The following SPMIP2 variants were observed in gnomAD, a reference collection of about 807,000 sequenced individuals.
SPMIP2 encodes the protein sperm microtubule inner protein 2.
the SPMIP2 span, among the ~76,000 whole-genome samples, chr4:159,077,611 TA>T: frequency 2.0e-5 from 3 of 152,228 alleles, no homozygotes; most frequent in Non-Finnish European, 4.4e-5. Flanking sequence ...ATTAGAAATG[TA>T]TAATCAAATT....
chr4:159,069,162 G>T, the SPMIP2 span, among the ~76,000 whole-genome samples: 1 of 152,064 alleles, frequency 6.6e-6, no homozygotes, highest in South Asian at 2.1e-4. Flanking sequence ...AATTAGCCAG[G>T]CGTGGTGGTG....
At chr4:159,029,558 T>C in the SPMIP2 span, among the ~76,000 whole-genome samples, 6 of 152,314 alleles carry the variant, frequency 3.9e-5, no homozygotes, top group Admixed American at 2.6e-4. Context: ...CCATCTGCAA[T>C]GTAGGAAGTA....
chr4:159,045,634 G>A, the SPMIP2 span, among the ~76,000 whole-genome samples: 11 of 152,336 alleles, frequency 7.2e-5, no homozygotes, highest in Admixed American at 2.6e-4. Context: ...GAAGCTGGAA[G>A]GCTGAAACTG....
chr4:158,909,545 C>T, the SPMIP2 span: 1 of 151,274 alleles, frequency 6.6e-6, no homozygotes, highest in Non-Finnish European at 1.5e-5. Flanking sequence ...CTCATTTAAT[C>T]CTCACAATGG....
At chr4:158,983,266 A>G in the SPMIP2 span, among the ~76,000 whole-genome samples, 1 of 152,094 alleles carries the variant, frequency 6.6e-6, no homozygotes, top group African/African-American at 2.4e-5. Context: ...AACTTCCCCA[A>G]TCTAGCAAGG....
chr4:159,053,692 G>A, the SPMIP2 span, among the ~76,000 whole-genome samples: 2 of 152,094 alleles, frequency 1.3e-5, no homozygotes, highest in African/African-American at 4.8e-5. Context: ...ATCCATGGGT[G>A]GTATAAGGTT....
chr4:159,075,215 A>C, the SPMIP2 span, among the ~76,000 whole-genome samples: 2 of 152,194 alleles, frequency 1.3e-5, no homozygotes, highest in East Asian at 3.8e-4. Flanking sequence ...GAAAATTTGC[A>C]GCATGGCCTT....
chr4:159,037,165 T>C, the SPMIP2 span, among the ~76,000 whole-genome samples: 3 of 152,218 alleles, frequency 2.0e-5, no homozygotes, highest in Non-Finnish European at 4.4e-5. Flanking sequence ...TTGAGACTGT[T>C]ACAAACTTTA....
the SPMIP2 span, among the ~76,000 whole-genome samples, chr4:159,015,618 T>C: frequency 6.6e-6 from 1 of 152,204 alleles, no homozygotes; most frequent in African/African-American, 2.4e-5. Flanking sequence ...CAGTCTATTC[T>C]ATTAGAAAAA....
chr4:158,967,472 A>C, the SPMIP2 span, among the ~76,000 whole-genome samples: 1 of 152,218 alleles, frequency 6.6e-6, no homozygotes, highest in Non-Finnish European at 1.5e-5. Flanking sequence ...TATAAGTAAA[A>C]AGTGAGAACT....
the SPMIP2 span, among the ~76,000 whole-genome samples, chr4:159,070,342 T>C: frequency 6.6e-6 from 1 of 152,224 alleles, no homozygotes; most frequent in African/African-American, 2.4e-5. Context: ...GATTCAAGGG[T>C]AATATATACA....
the SPMIP2 span, among the ~76,000 whole-genome samples, chr4:158,975,629 G>A: frequency 1.9e-4 from 29 of 152,142 alleles, no homozygotes; most frequent in African/African-American, 6.3e-4. Flanking sequence ...TGTTATTTCT[G>A]AGGCCTCTGT....
chr4:158,955,713 C>T, the SPMIP2 span, among the ~76,000 whole-genome samples: 3 of 152,202 alleles, frequency 2.0e-5, no homozygotes, highest in Non-Finnish European at 2.9e-5. Context: ...GCCTGAGCCA[C>T]TGCATGCGGC....
chr4:158,923,785 TTTTTGATCATAGAATAAA>T, the SPMIP2 span, among the ~76,000 whole-genome samples: 3 of 152,210 alleles, frequency 2.0e-5, no homozygotes, highest in African/African-American at 7.2e-5. Context: ...CCTTGTCTTG[TTTTTGATCATAGAATAAA>T]CACATGCAGT....
chr4:159,075,051 C>A, the SPMIP2 span, among the ~76,000 whole-genome samples: 10 of 152,162 alleles, frequency 6.6e-5, no homozygotes, highest in Non-Finnish European at 1.2e-4. Context: ...CAAACTCTTG[C>A]TGTCCTTCTC....
chr4:158,952,989 A>T, the SPMIP2 span, among the ~76,000 whole-genome samples: 3 of 152,174 alleles, frequency 2.0e-5, no homozygotes, highest in African/African-American at 7.2e-5. Flanking sequence ...TCAGTTTTAT[A>T]AGGGAAACTG....
the SPMIP2 span, among the ~76,000 whole-genome samples, chr4:158,951,895 G>A: frequency 6.6e-6 from 1 of 152,198 alleles, no homozygotes; most frequent in African/African-American, 2.4e-5. Context: ...ACAGATGTGA[G>A]GTGAAGAAAA....
At chr4:159,030,748 C>T in the SPMIP2 span, among the ~76,000 whole-genome samples, 3 of 152,114 alleles carry the variant, frequency 2.0e-5, no homozygotes, top group East Asian at 3.9e-4. Context: ...CCACCTGCCT[C>T]GGCCTCCCAG....
At chr4:159,049,391 G>A in the SPMIP2 span, among the ~76,000 whole-genome samples, 2 of 152,192 alleles carry the variant, frequency 1.3e-5, no homozygotes, top group Non-Finnish European at 2.9e-5. Context: ...ACATATAGAT[G>A]AGATCAAGAT....
Sources: allele counts gnomAD v4.1 joint callset (sites outside exome capture counted in the v4.1 genomes callset), GRCh38; gene constraint gnomAD v4.1.1; transcripts MANE v1.5; gene names NCBI Gene and HGNC (gene_info 2026-07-23, HGNC 2026-07-21).